The following ADPGK variants were observed in gnomAD, a reference collection of about 807,000 sequenced individuals.
ADPGK encodes the protein ADP-dependent glucokinase.
Under a neutral mutation model 42.4 loss-of-function variants are expected in ADPGK, and 26 were observed. That is an observed-to-expected ratio of 0.61 (90% CI 0.45 to 0.85). The LOEUF is 0.85. ADPGK is among the 40% of genes least tolerant of loss of function. ADPGK has a pLI of 0.00. For synonymous variants in ADPGK, 267 were observed against 252.6 expected (o/e 1.06, Z -0.54); for missense variants, 571 against 627.0 (o/e 0.91, Z 0.95).
chr15:72,754,675 G>A (rs993690682), intron 6 of ADPGK, among the ~76,000 whole-genome samples: 1 of 151,922 alleles, frequency 6.6e-6, no homozygotes, highest in East Asian at 1.9e-4. Context: ...TTAAGTAAAC[G>A]GAGGTACATC....
chr15:72,752,295 G>A lies in ADPGK; in HGVS notation c.*46C>T, dbSNP rs778246743. The A allele has an allele frequency of 3.9e-6, 6 of 1,532,762 alleles. No individual in the cohort carries two copies. Among genetic ancestry groups the A allele is most frequent in the Non-Finnish European group, 5.3e-6 (6 of 1,136,892 alleles). 94.9% of individuals were successfully genotyped at this position (1,532,762 alleles called of 1,614,324 possible). ...ACCACTTTCTTCCTGTAATTCTTAAGTTGGCTAGTTCTCCTTCCTCAGAAA... is the reference window on the plus strand; with the variant it reads ...ACCACTTTCTTCCTGTAATTCTTAAATTGGCTAGTTCTCCTTCCTCAGAAA... On this transcript the variant is annotated 3_prime_UTR_variant, in exon 7 of 7. Coordinates refer to ENST00000456471, the MANE Select transcript of ADPGK (RefSeq NM_001365225.1).
Position 72,752,375 on chromosome 15 carries a change from C to T in ADPGK, c.1460G>A (p.Gly487Glu). 3.1e-6 allele frequency: 5 copies of T among 1,614,132 alleles called. No individual in the cohort carries two copies. Among genetic ancestry groups the T allele is most frequent in the Non-Finnish European group, 4.2e-6 (5 of 1,179,974 alleles). The change falls in exon 7 of 7, where the codon GGA (glycine) becomes GAA (glutamate). Residue 487 changes from glycine to glutamate, a missense_variant. Gly to Glu is a moderately conservative substitution (Grantham distance 98, BLOSUM62 -2). Around this residue, in one of 2 missense-constraint regions of ADPGK, gnomAD observed 434 missense variants for 522.7 expected, o/e 0.83. Coordinates refer to ENST00000456471, the MANE Select transcript of ADPGK (RefSeq NM_001365225.1). ...VGLGDAISAEGLFYSEVHPHY is the reference protein window; with the variant it reads ...VGLGDAISAEELFYSEVHPHY ...AGGGTGTACTTCCGAATAGAAGAGT[C>T]CTTCGGCTGAAATGGCATCTCCAAG...
Position 72,783,677 on chromosome 15 carries a change from G to T in ADPGK, c.15C>A (p.Arg5=). 3 of 1,495,922 alleles carry T rather than the reference G, an allele frequency of 2.0e-6. No homozygotes were observed. The highest frequency in any genetic ancestry group is 2.7e-6 in the Non-Finnish European group (3 of 1,129,540). 92.7% of individuals were successfully genotyped at this position (1,495,922 alleles called of 1,614,324 possible). A position where few individuals can be genotyped will look rare whatever the true frequency, so the allele number is the denominator to read the frequency against. The change falls in exon 1 of 7, where the codon CGC becomes CGA. Residue 5 remains arginine (R), a synonymous_variant. Transcript: ENST00000456471. The part of the protein sequence containing the change: MALW[R]GSAYAGFLAL... ...CCAGGAAGCCCGCGTACGCGGAGCC[G>T]CGCCACAGCGCCATGGGGACCCAGG... is the stretch of plus-strand genomic sequence containing the variant.
chr15:72,781,706 G>C (rs1323921704), intron 1 of ADPGK, among the ~76,000 whole-genome samples: 2 of 152,158 alleles, frequency 1.3e-5, no homozygotes, highest in Non-Finnish European at 2.9e-5. Flanking sequence ...AAGGCATTAA[G>C]GCTTCTGCCT....
chr15:72,757,950 C>T (rs2066137842), intron 4 of ADPGK: 4 of 883,898 alleles, frequency 4.5e-6, no homozygotes, highest in South Asian at 1.7e-5. Context: ...TGAGAAGAAC[C>T]GTGCAGAGCT....
chr15:72,755,467 G>A, intron 6 of ADPGK, 89 bp downstream of exon 6: 1 of 959,386 alleles, frequency 1.0e-6, no homozygotes, highest in Middle Eastern at 3.1e-4. Context: ...GCCAGTCCCT[G>A]AGCCCAAACA....
At chr15:72,755,759 T>G (rs2066104254) in intron 5 of ADPGK, 105 bp from the exon 6 acceptor site, 25 of 850,532 alleles carry the variant, frequency 2.9e-5, no homozygotes, top group Non-Finnish European at 4.6e-5. Context: ...GGTAATGGCC[T>G]TCTTTGCATG....
chr15:72,754,317 G>A (rs1023555293), intron 6 of ADPGK, among the ~76,000 whole-genome samples: 8 of 152,086 alleles, frequency 5.3e-5, no homozygotes, highest in African/African-American at 9.7e-5. Flanking sequence ...CCCACACACC[G>A]CTGATGACGA....
In ADPGK at chr15:72,783,751, G is replaced by T; in HGVS notation, c.-60C>A. On this transcript the variant is annotated 5_prime_UTR_variant, in exon 1 of 7. Coordinates refer to ENST00000456471, the MANE Select transcript of ADPGK (RefSeq NM_001365225.1). ...CCTTTCCTAGCCCGCGCCTCTTCCG[G>T]GCTCGGCGCGCGCCGATGTCGACAC... The T allele has an allele frequency of 7.2e-7, 1 of 1,390,848 alleles. No homozygotes were observed. Among genetic ancestry groups the T allele is most frequent in the Non-Finnish European group, 9.3e-7 (1 of 1,073,590 alleles). 86.2% of individuals were successfully genotyped at this position (1,390,848 alleles called of 1,614,324 possible).
chr15:72,764,120 A>C (rs2066228541), intron 3 of ADPGK, among the ~76,000 whole-genome samples: 1 of 152,230 alleles, frequency 6.6e-6, no homozygotes, highest in Non-Finnish European at 1.5e-5. Flanking sequence ...GAATGGAAGA[A>C]TCACACATCT....
chr15:72,752,858 TC>T lies in ADPGK; in HGVS notation c.976del (p.Glu326AsnfsTer38). 6.2e-7 allele frequency: 1 copy of T among 1,614,122 alleles called. No homozygotes were observed. The highest frequency in any genetic ancestry group is 2.2e-5 in the East Asian group (1 of 44,886). ...FPAVTSLGLN[E>X]QELLFLTQSA... is the part of the protein sequence containing the mutation. ...CTGGGTGAGAAATAACAGCTCCTGTTCATTCAGCCCAAGGGAAGTCACCGCG... is the reference window on the plus strand; with the variant it reads ...CTGGGTGAGAAATAACAGCTCCTGTTATTCAGCCCAAGGGAAGTCACCGCG... On this transcript the variant is annotated frameshift_variant, in exon 7 of 7. Transcript: ENST00000456471. LOFTEE classifies it high-confidence loss of function.
chr15:72,758,251 AGTT>A (rs774279824), intron 4 of ADPGK: 24,623 of 873,990 alleles, frequency 0.028, 534 homozygotes, highest in Non-Finnish European at 0.031. Flanking sequence ...CTGTAATGGT[AGTT>A]AGCGCCCCTC....
At position 72,783,653 on chromosome 15, in the gene ADPGK, C is replaced by T. The variant is rs893721215; in HGVS notation, c.39G>A (p.Leu13=). 166 of 1,509,114 alleles carry T rather than the reference C, an allele frequency of 1.1e-4. No homozygotes were observed. Among genetic ancestry groups the T allele is most frequent in the Non-Finnish European group, 1.4e-4 (163 of 1,136,548 alleles). The allele number at this position is 1,509,114 out of a possible 1,614,324, so 93.5% of individuals were successfully genotyped here. A position where few individuals can be genotyped will look rare whatever the true frequency, so the allele number is the denominator to read the frequency against. Residue 13 remains leucine, a synonymous_variant, in exon 1 of 7, where the codon CTG becomes CTA. Coordinates refer to ENST00000456471, the MANE Select transcript of ADPGK (RefSeq NM_001365225.1). ...GGAAGACGCAGCCCACGGCCAGCGC[C>T]AGGAAGCCCGCGTACGCGGAGCCGC... ...LWRGSAYAGF[L]ALAVGCVFLL... is the part of the protein sequence containing the mutation.
intron 3 of ADPGK, among the ~76,000 whole-genome samples, chr15:72,768,965 T>A (rs2066294072): frequency 8.6e-6 from 1 of 115,906 alleles, no homozygotes. Context: ...CAAGGCCAGA[T>A]CCTGTCTCTC....
rs939635478 is a variant in ADPGK at position 72,752,200 on chromosome 15, G to A, written c.*141C>T. The A allele has an allele frequency of 2.4e-6, 2 of 833,510 alleles. No homozygotes were observed. The highest frequency in any genetic ancestry group is 1.7e-5 in the African/African-American group (1 of 58,194). The allele number at this position is 833,510 out of a possible 1,614,324, so 51.6% of individuals were successfully genotyped here. ...GGATTAAAATCTGAAATGTTTTTAT[G>A]GAGTTGCCAACAGGCTGGAATGTAC... On this transcript the variant is annotated 3_prime_UTR_variant, in exon 7 of 7. Coordinates refer to ENST00000456471, the MANE Select transcript of ADPGK (RefSeq NM_001365225.1).
At chr15:72,760,627 T>C (rs1195894914) in intron 3 of ADPGK, 100 bp from the exon 4 acceptor site, 1 of 1,375,504 alleles carries the variant, frequency 7.3e-7, no homozygotes, top group Non-Finnish European at 9.6e-7. Flanking sequence ...ATTCTAATCA[T>C]TTCAACAAAA....
At chr15:72,760,639 A>T in intron 3 of ADPGK, 112 bp from the exon 4 acceptor site, 1 of 1,337,020 alleles carries the variant, frequency 7.5e-7, no homozygotes, top group Non-Finnish European at 9.8e-7. Context: ...TCAACAAAAT[A>T]TTGGAATCCA....
intron 3 of ADPGK, 122 bp downstream of exon 3, chr15:72,771,661 C>A: frequency 1.2e-6 from 1 of 810,990 alleles, no homozygotes; most frequent in South Asian, 1.9e-5. Context: ...ACAAAAGACC[C>A]AGGGTCTGGT....
intron 3 of ADPGK, among the ~76,000 whole-genome samples, chr15:72,766,681 G>A (rs538560046): frequency 8.3e-4 from 127 of 152,226 alleles, no homozygotes; most frequent in African/African-American, 2.9e-3. Flanking sequence ...TTTTATTGCA[G>A]TCGTCTAGAA....
Sources: gnomAD v4.1 joint callset for allele counts (sites outside exome capture counted in the v4.1 genomes callset) on GRCh38, gnomAD v4.1.1 for gene constraint, gnomAD v4.1.1 regional missense constraint, MANE v1.5 for transcripts, NCBI Gene and HGNC (gene_info 2026-07-23, HGNC 2026-07-21) for gene names.